Variants in PLEC observed in about 807,000 individuals in gnomAD.
PLEC encodes the protein hemidesmosomal protein 1.
Under a neutral mutation model 392.8 loss-of-function variants are expected in PLEC, and 216 were observed. The ratio of observed to expected loss-of-function variants is 0.55; its 90% CI spans 0.49 to 0.62. The LOEUF (loss-of-function observed/expected upper bound fraction) is 0.62, where lower values mean the gene tolerates loss of function less well. Ranked by LOEUF, PLEC falls within the 20% of genes least tolerant of loss-of-function variation. The pLI is 0.00. For missense variants in PLEC, 6,863 were observed against 6,563.4 expected (o/e 1.05, Z -1.58); for synonymous variants, 3,621 against 2,980.6 (o/e 1.21, Z -7.00).
At chr8:143,953,699 G>T (rs1554738114), upstream of PLEC, 1 of 1,605,966 alleles carries the variant, frequency 6.2e-7, no homozygotes, top group South Asian at 1.1e-5. Flanking sequence ...CGCGCCCCCC[G>T]GCTCGGGCCC....
At position 143,920,103 on chromosome 8, in the gene PLEC, C is replaced by T. The variant is rs75857070; in HGVS notation, c.9718G>A (p.Glu3240Lys). The T allele has an allele frequency of 4.6e-4, 739 of 1,613,122 alleles. 7 individuals are homozygous for T. The African/African-American group carries it at 8.6e-3, about 19-fold the overall frequency. ...CCCTTGAAGCCACCCACGGGGACCT[C>T]AACCGGGGTCTTTTCAAAGGTCTCA... ...ARETFEKTPV[E>K]VPVGGFKGRT... is the part of the protein sequence containing the mutation. Residue 3240 changes from glutamate to lysine, a missense_variant, in exon 32 of 32, where the codon GAG becomes AAG. Glu to Lys is a moderately conservative substitution (Grantham distance 56). Coordinates refer to ENST00000345136, the MANE Select transcript of PLEC (RefSeq NM_201384.3).
In PLEC at chr8:143,935,115, C is replaced by G; in HGVS notation, c.721G>C (p.Val241Leu). The change falls in exon 8 of 32, where the codon GTG becomes CTG. Residue 241 changes from valine to leucine, a missense_variant and splice_region_variant. Physicochemically the swap from Val to Leu is conservative, Grantham distance 32. Transcript: ENST00000345136. Reference sequence around the variant, plus strand: ...TTCTCGTCGGGCTGAGGGACATCCACGTCTGCAGGGAAGGGCAGCTCAGCG... The same window carrying G: ...TTCTCGTCGGGCTGAGGGACATCCAGGTCTGCAGGGAAGGGCAGCTCAGCG... The part of the protein sequence containing the change: ...GVTRLLDPED[V>L]DVPQPDEKSI... The G allele has an allele frequency of 6.2e-7, 1 of 1,612,994 alleles. No homozygotes were observed. Among genetic ancestry groups the G allele is most frequent in the Non-Finnish European group, 8.5e-7 (1 of 1,179,940 alleles).
rs1820372624 is a variant in PLEC at position 143,915,947 on chromosome 8, G to C, written c.*230C>G. On this transcript the variant is annotated 3_prime_UTR_variant, in exon 32 of 32. Transcript: ENST00000345136. Reference sequence around the variant, plus strand: ...GGCTGTGTGAGTGGCAGGTAGAAGGGAGTGAGGAGACCCGAGGGGGTGAGG... The same window carrying C: ...GGCTGTGTGAGTGGCAGGTAGAAGGCAGTGAGGAGACCCGAGGGGGTGAGG... The C allele has an allele frequency of 2.5e-6, 1 of 405,654 alleles. No individual in the cohort carries two copies. The highest frequency in any genetic ancestry group is 4.4e-5 in the East Asian group (1 of 22,748). The allele number at this position is 405,654 out of a possible 1,614,324, so 25.1% of individuals were successfully genotyped here.
At chr8:143,940,912 G>A (rs1477057799), upstream of PLEC, among the ~76,000 whole-genome samples, 2 of 152,142 alleles carry the variant, frequency 1.3e-5, no homozygotes, top group African/African-American at 4.8e-5. Context: ...TGGTCTCTGA[G>A]CCTGGCATGA....
chr8:143,921,016 T>C lies in PLEC; in HGVS notation c.8805A>G (p.Ala2935=), dbSNP rs1251205097. Residue 2935 remains alanine, a synonymous_variant, in exon 32 of 32, where the codon GCA becomes GCG. Transcript: ENST00000345136. ...WEIINSEYFT[A]EQRRDLLRQF... ...GCCGCAGCAGGTCCCGCCGCTGCTC[T>C]GCCGTGAAGTATTCCGAGTTGATGA... is the stretch of plus-strand genomic sequence containing the variant. 1 of 1,613,236 alleles carries C rather than the reference T, an allele frequency of 6.2e-7. No homozygotes were observed. The highest frequency in any genetic ancestry group is 2.2e-5 in the East Asian group (1 of 44,888).
chr8:143,922,281 CCTT>C lies in PLEC; in HGVS notation c.7537_7539del (p.Lys2513del). 6.2e-7 allele frequency: 1 copy of C among 1,605,796 alleles called. No homozygotes were observed. The highest frequency in any genetic ancestry group is 8.5e-7 in the Non-Finnish European group (1 of 1,178,972). On this transcript the variant is annotated inframe_deletion, in exon 32 of 32. Coordinates refer to ENST00000345136, the MANE Select transcript of PLEC (RefSeq NM_201384.3). Reference sequence around the variant, plus strand: ...TCCTGGAAGAGCTGCTCCAGCTTGGCCTTCTCCTGCTCGATGAAGCGCTCCCGC... The same window carrying C: ...TCCTGGAAGAGCTGCTCCAGCTTGGCCTCCTGCTCGATGAAGCGCTCCCGC...
Position 143,916,770 on chromosome 8 carries a change from G to A in PLEC, c.13051C>T (p.Leu4351=), listed in dbSNP as rs1554670058. The A allele has an allele frequency of 6.2e-7, 1 of 1,613,318 alleles. No homozygotes were observed. Among genetic ancestry groups the A allele is most frequent in the South Asian group, 1.1e-5 (1 of 91,080 alleles). Residue 4351 remains leucine, a synonymous_variant, in exon 32 of 32, where the codon CTG becomes TTG. Transcript: ENST00000345136. ...AAGCCGCAGAAGGCCTTCTGGGCCA[G>A]GTTGATGCGGTCCACCATGATCTTG... The part of the protein sequence containing the change: ...VDKIMVDRIN[L]AQKAFCGFED...
chr8:143,956,166 T>G (rs1718377788), upstream of PLEC, among the ~76,000 whole-genome samples: 1 of 152,162 alleles, frequency 6.6e-6, no homozygotes, highest in Non-Finnish European at 1.5e-5. Context: ...CAGGCTGATC[T>G]CGAACTCCTG....
Position 143,921,003 on chromosome 8 carries a change from C to T in PLEC, c.8818G>A (p.Asp2940Asn). The T allele has an allele frequency of 6.2e-7, 1 of 1,613,224 alleles. No homozygotes were observed. Among genetic ancestry groups the T allele is most frequent in the Non-Finnish European group, 8.5e-7 (1 of 1,180,034 alleles). The change falls in exon 32 of 32, where the codon GAC becomes AAC. Residue 2940 changes from aspartate (D) to asparagine (N), a missense_variant. Asp to Asn is a conservative substitution (Grantham distance 23). Coordinates refer to ENST00000345136, the MANE Select transcript of PLEC (RefSeq NM_201384.3). The stretch of plus-strand genomic sequence containing the variant: ...CCCGTGCGGAACTGCCGCAGCAGGT[C>T]CCGCCGCTGCTCTGCCGTGAAGTAT... Reference protein sequence around the residue: ...SEYFTAEQRRDLLRQFRTGRI... With the variant: ...SEYFTAEQRRNLLRQFRTGRI...
At chr8:143,953,660 T>A, upstream of PLEC, 1 of 1,533,300 alleles carries the variant, frequency 6.5e-7, no homozygotes, top group Non-Finnish European at 8.9e-7. Flanking sequence ...CTGCGTGGAC[T>A]GCACCCAGCC....
rs1825728701 is a variant in PLEC at position 143,927,703 on chromosome 8, C to A, written c.3463G>T (p.Gly1155Trp). The A allele has an allele frequency of 6.3e-7, 1 of 1,586,070 alleles. No individual in the cohort carries two copies. The highest frequency in any genetic ancestry group is 8.6e-7 in the Non-Finnish European group (1 of 1,165,108). The change falls in exon 27 of 32, where the codon GGG becomes TGG. Residue 1155 changes from glycine to tryptophan, a missense_variant. Transcript: ENST00000345136. ...TFDALRDELR[G>W]AQEVGERLQQ... is the part of the protein sequence containing the mutation. Reference sequence around the variant, plus strand: ...AGTCGCTCCCCCACCTCCTGTGCCCCCCGCAGCTCATCCCGCAGGGCGTCG... The same window carrying A: ...AGTCGCTCCCCCACCTCCTGTGCCCACCGCAGCTCATCCCGCAGGGCGTCG...
At chr8:143,939,003 C>CG (rs1564174974) in intron 1 of PLEC, among the ~76,000 whole-genome samples, 2 of 152,108 alleles carry the variant, frequency 1.3e-5, no homozygotes, top group South Asian at 2.1e-4. Flanking sequence ...CAGTCCCCCC[C>CG]GGCCTCTACA....
chr8:143,958,164 C>CTG (rs74933891), upstream of PLEC, among the ~76,000 whole-genome samples: 69,174 of 151,888 alleles, frequency 0.46, 17,123 homozygotes, highest in African/African-American at 0.66. The surrounding 1 kb of genome is among the most constrained non-coding windows in gnomAD (Gnocchi z 4.9). Context: ...TGCTGCGGGA[C>CTG]AGGTGGGAGG....
upstream of PLEC, chr8:143,975,258 G>A (rs782451548): frequency 1.9e-6 from 3 of 1,608,440 alleles, no homozygotes; most frequent in Admixed American, 3.3e-5. This position sits in a 1 kb window ranked among gnomAD's most constrained non-coding sequence, Gnocchi z 9.9. Context: ...CGCCGGCTCC[G>A]CTGCGTTTTC....
intron 1 of PLEC, among the ~76,000 whole-genome samples, chr8:143,945,553 C>A (rs1254157832): frequency 6.6e-6 from 1 of 152,332 alleles, no homozygotes. Flanking sequence ...TGACGGTATA[C>A]CCCATTCCAC....
rs782406179 is a variant in PLEC at position 143,924,787 on chromosome 8, C to T, written c.5142G>A (p.Glu1714=). The T allele has an allele frequency of 3.3e-6, 5 of 1,535,768 alleles. No individual in the cohort carries two copies. Among genetic ancestry groups the T allele is most frequent in the Admixed American group, 2.0e-5 (1 of 51,110 alleles). ...CCGTCTCGGCCCGCAGCCGGATCAA[C>T]TCCTGCTCCGCGGCCAGGCGCTGCT... ...TAQQRLAAEQ[E]LIRLRAETEQ... Residue 1714 remains glutamate (E), a synonymous_variant, in exon 31 of 32, where the codon GAG becomes GAA. Coordinates refer to ENST00000345136, the MANE Select transcript of PLEC (RefSeq NM_201384.3).
Position 143,933,242 on chromosome 8 carries a change from G to T in PLEC, c.1373C>A (p.Thr458Asn), listed in dbSNP as rs782501411. 2 of 1,612,988 alleles carry T rather than the reference G, an allele frequency of 1.2e-6. No individual in the cohort carries two copies. Among genetic ancestry groups the T allele is most frequent in the Non-Finnish European group, 1.7e-6 (2 of 1,179,992 alleles). The stretch of plus-strand genomic sequence containing the variant: ...CTGCGGGTGCCGTCCATCCTTGAGG[G>T]TCTGCACGTCGTTGAAGAGCAGCCG... The part of the protein sequence containing the change: ...MIRLLFNDVQ[T>N]LKDGRHPQGE... Residue 458 changes from threonine (T) to asparagine (N), a missense_variant, in exon 13 of 32, where the codon ACC becomes AAC. Coordinates refer to ENST00000345136, the MANE Select transcript of PLEC (RefSeq NM_201384.3).
chr8:143,917,813 T>G lies in PLEC; in HGVS notation c.12008A>C (p.Lys4003Thr). 6.2e-7 allele frequency: 1 copy of G among 1,613,544 alleles called. No individual in the cohort carries two copies. The highest frequency in any genetic ancestry group is 8.5e-7 in the Non-Finnish European group (1 of 1,180,002). Residue 4003 changes from lysine (K) to threonine (T), a missense_variant, in exon 32 of 32, where the codon AAG becomes ACG. Lys to Thr is a moderately conservative substitution (Grantham distance 78). Coordinates refer to ENST00000345136, the MANE Select transcript of PLEC (RefSeq NM_201384.3). ...GACGGCGCGCTCGGCCGACAGCAGC[T>G]TGTCCTTGAACTCGGGGCCCACAAT... ...MGIVGPEFKD[K>T]LLSAERAVTG... is the part of the protein sequence containing the mutation.
rs782414627 is a variant in PLEC, at chr8:143,924,545, C to T, written c.5384G>A (p.Arg1795Gln). The T allele has an allele frequency of 3.7e-5, 57 of 1,540,696 alleles. No individual in the cohort carries two copies. Among genetic ancestry groups the T allele is most frequent in the South Asian group, 2.5e-4 (21 of 84,944 alleles). ...SKQRLEAEAGRFRELAEEAAR... is the reference protein window; with the variant it reads ...SKQRLEAEAGQFRELAEEAAR... ...GGCCTCCTCGGCCAGCTCGCGGAAC[C>T]GGCCGGCCTCGGCCTCCAGCCTCTG... is the stretch of plus-strand genomic sequence containing the variant. Residue 1795 changes from arginine (R) to glutamine (Q), a missense_variant, in exon 31 of 32, where the codon CGG becomes CAG. By Grantham distance (43) the Arg-to-Gln change is conservative. Coordinates refer to ENST00000345136, the MANE Select transcript of PLEC (RefSeq NM_201384.3).
Sources: allele counts gnomAD v4.1 joint callset (sites outside exome capture counted in the v4.1 genomes callset), GRCh38; gene constraint gnomAD v4.1.1; non-coding constraint Gnocchi (gnomAD v3.1); transcripts MANE v1.5; gene names NCBI Gene and HGNC (gene_info 2026-07-23, HGNC 2026-07-21).